Variants in ACSF3 observed in about 807,000 individuals in gnomAD.
ACSF3 encodes acyl-CoA synthetase family member 3, also known as malonate--CoA ligase ACSF3, mitochondrial.
Under a neutral mutation model 53.2 loss-of-function variants are expected in ACSF3, and 78 were observed. The observed-to-expected ratio is 1.47, with a 90% CI of 1.22 to 1.77. ACSF3 has a LOEUF of 1.77. Ranked by LOEUF, ACSF3 falls within the 40% of genes most tolerant of loss-of-function variation. ACSF3 has a pLI of 0.00. For synonymous variants in ACSF3, 414 were observed against 333.1 expected (o/e 1.24, Z -2.65); for missense variants, 937 against 771.1 (o/e 1.22, Z -2.55).
intron 2 of ACSF3, among the ~76,000 whole-genome samples, chr16:89,100,126 G>A (rs961630678): frequency 1.1e-4 from 16 of 152,248 alleles, no homozygotes; most frequent in Admixed American, 9.2e-4. Flanking sequence ...GGGCGACACA[G>A]CAAGACCCTG....
chr16:89,112,016 G>T (rs1976728932), intron 4 of ACSF3, 76 bp from the exon 5 acceptor site: 2 of 168,382 alleles, frequency 1.2e-5, no homozygotes, highest in Admixed American at 1.5e-4. Context: ...AGAACGCTGT[G>T]CCTGGAGCCA....
rs1206938387 is a variant in ACSF3 at position 89,155,675 on chromosome 16, T to A, written c.*1468T>A. Reference sequence around the variant, plus strand: ...TCAGAGACTACAGTCCAGACGTTTGTGTCTAGGCCTTGCTGGTAGCTAAGG... The same window carrying A: ...TCAGAGACTACAGTCCAGACGTTTGAGTCTAGGCCTTGCTGGTAGCTAAGG... On this transcript the variant is annotated 3_prime_UTR_variant, in exon 11 of 11. Transcript: ENST00000614302. 2.2e-6 allele frequency: 1 copy of A among 454,036 alleles called. No homozygotes were observed. Among genetic ancestry groups the A allele is most frequent in the Non-Finnish European group, 4.4e-6 (1 of 226,800 alleles). 28.1% of individuals were successfully genotyped at this position (454,036 alleles called of 1,614,324 possible). A position where few individuals can be genotyped will look rare whatever the true frequency, so the allele number is the denominator to read the frequency against.
chr16:89,099,960 G>A (rs900204074), intron 2 of ACSF3, among the ~76,000 whole-genome samples: 3 of 142,296 alleles, frequency 2.1e-5, no homozygotes, highest in African/African-American at 5.2e-5. Context: ...GGGCAATACA[G>A]TGAGACCTTG....
chr16:89,145,637 G>A (rs763948077), intron 9 of ACSF3, among the ~76,000 whole-genome samples: 8 of 152,202 alleles, frequency 5.3e-5, no homozygotes, highest in Non-Finnish European at 1.2e-4. Flanking sequence ...CTGGCCGGGC[G>A]CAGCTCCCAT....
rs761344708 is a variant in ACSF3, at chr16:89,155,280, C to T, written c.*1073C>T. On this transcript the variant is annotated 3_prime_UTR_variant, in exon 11 of 11. Transcript: ENST00000614302. Reference sequence around the variant, plus strand: ...CCTGAACTTACCCAGAACATTCTGCCCCCGGAATGCACGTCTGAAAGAGTG... The same window carrying T: ...CCTGAACTTACCCAGAACATTCTGCTCCCGGAATGCACGTCTGAAAGAGTG... The T allele has an allele frequency of 1.3e-5, 6 of 454,090 alleles. No individual in the cohort carries two copies. Among genetic ancestry groups the T allele is most frequent in the South Asian group, 9.3e-5 (6 of 64,480 alleles). 28.1% of individuals were successfully genotyped at this position (454,090 alleles called of 1,614,324 possible).
At chr16:89,119,672 G>A (rs1906129100) in intron 6 of ACSF3, among the ~76,000 whole-genome samples, 8 of 152,158 alleles carry the variant, frequency 5.3e-5, no homozygotes, top group Admixed American at 2.6e-4. Flanking sequence ...GTGGAGGTTC[G>A]GGGCGTCTGC....
chr16:89,135,621 G>A (rs554643642), intron 8 of ACSF3, among the ~76,000 whole-genome samples: 1 of 152,322 alleles, frequency 6.6e-6, no homozygotes, highest in Admixed American at 6.5e-5. Flanking sequence ...ATCCCCATTA[G>A]CGCATGCTGA....
At chr16:89,112,850 A>G (rs1467874917) in intron 5 of ACSF3, among the ~76,000 whole-genome samples, 1 of 152,124 alleles carries the variant, frequency 6.6e-6, no homozygotes, top group Non-Finnish European at 1.5e-5. Context: ...TCTCCTATGC[A>G]GTCTCTCTGC....
At chr16:89,106,047 G>C (rs79195040) in intron 4 of ACSF3, among the ~76,000 whole-genome samples, 4,284 of 152,290 alleles carry the variant, frequency 0.028, 221 homozygotes, top group East Asian at 0.18. Context: ...CTGCCCAGGG[G>C]CATCTGCCAG....
chr16:89,128,087 T>C (rs1908512442), intron 7 of ACSF3, among the ~76,000 whole-genome samples: 1 of 151,948 alleles, frequency 6.6e-6, no homozygotes, highest in Non-Finnish European at 1.5e-5. Context: ...TCTTGGTTTC[T>C]TCTACTTGCT....
intron 8 of ACSF3, among the ~76,000 whole-genome samples, chr16:89,144,743 C>G (rs367782682): frequency 3.3e-4 from 50 of 152,340 alleles, no homozygotes; most frequent in African/African-American, 1.1e-3. Flanking sequence ...GCAGCACAGC[C>G]AGGAGGCCCA....
chr16:89,143,969 A>G lies in ACSF3; in HGVS notation c.1367-1298A>G, dbSNP rs115315015. Among the ~76,000 whole-genome samples, 448 of 152,366 alleles carry G rather than the reference A, an allele frequency of 2.9e-3. 6 individuals carry two copies. The highest frequency in any genetic ancestry group is 0.01 in the African/African-American group (416 of 41,582). ...CCAGCTAATAACCCATGTGGAGTGC[A>G]GGGTATGTGGAAGCAGACAGTTGAG... On this transcript the variant is annotated intron_variant, in intron 8 of 10. Coordinates refer to ENST00000614302, the MANE Select transcript of ACSF3 (RefSeq NM_001243279.3).
chr16:89,144,363 C>G (rs994189166), intron 8 of ACSF3, among the ~76,000 whole-genome samples: 2 of 152,244 alleles, frequency 1.3e-5, no homozygotes, highest in Admixed American at 1.3e-4. Context: ...GGCCATTGTT[C>G]TAGGACCAGC....
intron 4 of ACSF3, among the ~76,000 whole-genome samples, chr16:89,108,404 C>T: frequency 6.6e-6 from 1 of 152,176 alleles, no homozygotes; most frequent in East Asian, 1.9e-4. Context: ...CAACAAATCC[C>T]TCAATTTTGT....
chr16:89,145,097 C>G lies in ACSF3; in HGVS notation c.1367-170C>G, dbSNP rs1912640673. 4 of 1,558,406 alleles carry G rather than the reference C, an allele frequency of 2.6e-6. No homozygotes were observed. The African/African-American group carries it at 5.4e-5, about 21-fold the overall frequency. On this transcript the variant is annotated intron_variant, in intron 8 of 10. Coordinates refer to ENST00000614302, the MANE Select transcript of ACSF3 (RefSeq NM_001243279.3). ...CGTGACCACCAGGAATGTGGGCTTA[C>G]CTGGCATAGCTGTTTCTCCGTTGGG...
chr16:89,107,908 T>C (rs1366839077), intron 4 of ACSF3, among the ~76,000 whole-genome samples: 1 of 152,094 alleles, frequency 6.6e-6, no homozygotes. Context: ...ACACTACTGA[T>C]AAAGACATAC....
intron 8 of ACSF3, among the ~76,000 whole-genome samples, chr16:89,135,566 T>C (rs1279302089): frequency 6.6e-6 from 1 of 152,232 alleles, no homozygotes; most frequent in Non-Finnish European, 1.5e-5. Context: ...TGACAGGACG[T>C]GGTCAGCACA....
chr16:89,153,616 C>T lies in ACSF3; in HGVS notation c.1614-474C>T, dbSNP rs1456520664. ...TGCAGGACTGTGCGGCATTTACTCC[C>T]ATCTCAAATACCCCATACAGGGCAG... On this transcript the variant is annotated intron_variant, in intron 10 of 10. Coordinates refer to ENST00000614302, the MANE Select transcript of ACSF3 (RefSeq NM_001243279.3). The T allele has an allele frequency of 1.6e-5, 4 of 252,462 alleles. No individual in the cohort carries two copies. The East Asian group carries it at 2.9e-4, about 18-fold the overall frequency. 15.6% of individuals were successfully genotyped at this position (252,462 alleles called of 1,614,324 possible).
At chr16:89,102,577 T>C (rs1975474768) in intron 3 of ACSF3, 27 bp from the exon 4 acceptor site, 2 of 1,612,560 alleles carry the variant, frequency 1.2e-6, no homozygotes, top group African/African-American at 1.3e-5. Flanking sequence ...TTGCTCTTGC[T>C]CTCAGCTGTG....
Sources: allele counts gnomAD v4.1 joint callset (sites outside exome capture counted in the v4.1 genomes callset), GRCh38; gene constraint gnomAD v4.1.1; transcripts MANE v1.5; gene names NCBI Gene and HGNC (gene_info 2026-07-23, HGNC 2026-07-21).